Variants in SYNDIG1 observed in about 807,000 individuals in gnomAD.
SYNDIG1 encodes the protein synapse differentiation-inducing gene protein 1.
A neutral mutation model predicts 19.4 loss-of-function variants in SYNDIG1; 9 were observed. That is an observed-to-expected ratio of 0.46 (90% CI 0.28 to 0.81). The LOEUF is 0.81. Among genes scored for constraint, SYNDIG1 ranks in the 30% least tolerant of loss-of-function variants. The probability of loss-of-function intolerance (pLI) is 0.12; values close to 1 mark genes in which losing one functional copy is unlikely to be tolerated. For missense variants in SYNDIG1, 311 were observed against 343.3 expected (o/e 0.91, Z 0.74); for synonymous variants, 141 against 145.9 (o/e 0.97, Z 0.24).
chr20:24,508,790 C>T (rs191872145), intron 1 of SYNDIG1, among the ~76,000 whole-genome samples: 1 of 152,182 alleles, frequency 6.6e-6, no homozygotes, highest in East Asian at 1.9e-4. Flanking sequence ...GCACCAGCTC[C>T]CACTCCACTA....
intron 3 of SYNDIG1, among the ~76,000 whole-genome samples, chr20:24,631,098 A>G (rs1238266639): frequency 6.6e-6 from 1 of 152,238 alleles, no homozygotes; most frequent in African/African-American, 2.4e-5. Flanking sequence ...CACTGCCCCA[A>G]AAGTCCCAGC....
chr20:24,483,857 A>G (rs1033128452), intron 1 of SYNDIG1, among the ~76,000 whole-genome samples: 4 of 152,130 alleles, frequency 2.6e-5, no homozygotes, highest in African/African-American at 7.2e-5. Context: ...ACACGGTGCA[A>G]GTGCAAGTGG....
chr20:24,655,442 A>G (rs962858944), intron 3 of SYNDIG1, among the ~76,000 whole-genome samples: 2 of 152,236 alleles, frequency 1.3e-5, no homozygotes, highest in Non-Finnish European at 2.9e-5. Context: ...CCACCACAAT[A>G]GTCGGTCAGT....
At chr20:24,489,106 T>C (rs1012521985) in intron 1 of SYNDIG1, among the ~76,000 whole-genome samples, 15 of 152,284 alleles carry the variant, frequency 9.9e-5, no homozygotes, top group African/African-American at 2.9e-4. Context: ...GGCAGTGTTC[T>C]AGAAATGTGG....
chr20:24,480,559 G>C (rs2055768491), intron 1 of SYNDIG1, among the ~76,000 whole-genome samples: 1 of 152,226 alleles, frequency 6.6e-6, no homozygotes, highest in African/African-American at 2.4e-5. Context: ...ATGGAAAATA[G>C]TGTGGAGGTT....
chr20:24,631,439 C>T (rs2059242361), intron 3 of SYNDIG1, among the ~76,000 whole-genome samples: 1 of 152,244 alleles, frequency 6.6e-6, no homozygotes, highest in Admixed American at 6.5e-5. Flanking sequence ...CTCATCATCT[C>T]CTCCAGAAAG....
intron 3 of SYNDIG1, among the ~76,000 whole-genome samples, chr20:24,599,051 C>T (rs1458781826): frequency 1.3e-5 from 2 of 152,124 alleles, no homozygotes; most frequent in Non-Finnish European, 2.9e-5. Flanking sequence ...AGTAAAGAGA[C>T]AACTTGCAGA....
chr20:24,578,253 G>T (rs930727590), intron 2 of SYNDIG1, among the ~76,000 whole-genome samples: 3 of 152,052 alleles, frequency 2.0e-5, no homozygotes, highest in Non-Finnish European at 4.4e-5. Flanking sequence ...GACCAGCCTG[G>T]CTAACATGGT....
chr20:24,486,620 CT>C (rs148754823), intron 1 of SYNDIG1, among the ~76,000 whole-genome samples: 21,237 of 151,480 alleles, frequency 0.14, 4,053 homozygotes, highest in African/African-American at 0.43. Flanking sequence ...GTCTCCATTT[CT>C]TTTTTTTCTT....
intron 3 of SYNDIG1, among the ~76,000 whole-genome samples, chr20:24,638,458 G>A (rs780466554): frequency 1.1e-4 from 17 of 152,086 alleles, no homozygotes; most frequent in Admixed American, 9.2e-4. Context: ...GAGCTCAAGC[G>A]ATTCTCCCAT....
At chr20:24,545,036 A>G (rs185289865) in intron 2 of SYNDIG1, among the ~76,000 whole-genome samples, 1 of 152,176 alleles carries the variant, frequency 6.6e-6, no homozygotes, top group African/African-American at 2.4e-5. Context: ...GGGACCCCAC[A>G]CTTGATAGAA....
chr20:24,653,573 G>A (rs1168995176), intron 3 of SYNDIG1, among the ~76,000 whole-genome samples: 6 of 152,154 alleles, frequency 3.9e-5, no homozygotes, highest in African/African-American at 7.2e-5. Flanking sequence ...AGCAGGGCCC[G>A]GCCCCTCTAA....
chr20:24,564,033 G>A (rs542281652), intron 2 of SYNDIG1, among the ~76,000 whole-genome samples: 4 of 152,108 alleles, frequency 2.6e-5, no homozygotes, highest in Non-Finnish European at 5.9e-5. Context: ...TCTGTTCAGC[G>A]AGCAGCAGGA....
chr20:24,548,947 T>C (rs909286124), intron 2 of SYNDIG1, among the ~76,000 whole-genome samples: 3 of 152,134 alleles, frequency 2.0e-5, no homozygotes, highest in Non-Finnish European at 4.4e-5. Context: ...AATAGACAAA[T>C]AAATGGGATA....
intron 2 of SYNDIG1, among the ~76,000 whole-genome samples, chr20:24,547,926 T>C (rs2057612940): frequency 6.6e-6 from 1 of 152,196 alleles, no homozygotes; most frequent in Non-Finnish European, 1.5e-5. Flanking sequence ...GGCACTTACC[T>C]GTGGCAATGC....
At chr20:24,645,255 C>T (rs533027134) in intron 3 of SYNDIG1, among the ~76,000 whole-genome samples, 8 of 152,258 alleles carry the variant, frequency 5.3e-5, no homozygotes, top group African/African-American at 1.9e-4. Context: ...ACATTCCAGG[C>T]AAAACACCCA....
At chr20:24,609,639 A>G (rs2058815832) in intron 3 of SYNDIG1, among the ~76,000 whole-genome samples, 1 of 152,210 alleles carries the variant, frequency 6.6e-6, no homozygotes, top group Non-Finnish European at 1.5e-5. Flanking sequence ...AAATAGCAAA[A>G]CAGACGGGCA....
intron 1 of SYNDIG1, among the ~76,000 whole-genome samples, chr20:24,469,966 G>C (rs1424316578): frequency 6.6e-6 from 1 of 152,150 alleles, no homozygotes; most frequent in Non-Finnish European, 1.5e-5. Flanking sequence ...TGGGAGACAC[G>C]GGGTCGCAGG....
chr20:24,661,496 G>GAAAGAAGGAGGAGGGAGGAAGGAGA (rs147180862), intron 3 of SYNDIG1, among the ~76,000 whole-genome samples: 3 of 63,568 alleles, frequency 4.7e-5, no homozygotes, highest in South Asian at 5.0e-4. Flanking sequence ...AAGAAGGGAG[G>GAAAGAAGGAGGAGGGAGGAAGGAGA]GAGGGAAGAG....
Sources: gnomAD v4.1 joint callset for allele counts (sites outside exome capture counted in the v4.1 genomes callset) on GRCh38, gnomAD v4.1.1 for gene constraint, MANE v1.5 for transcripts, NCBI Gene and HGNC (gene_info 2026-07-23, HGNC 2026-07-21) for gene names.